Variants in NPHP4 observed in about 807,000 individuals in gnomAD.
The protein encoded by NPHP4 is nephrocystin-4.
In NPHP4, 151 loss-of-function variants were observed where a neutral mutation model predicts 155.8. The observed-to-expected ratio is 0.97, with a 90% confidence interval of 0.85 to 1.11. The LOEUF (loss-of-function observed/expected upper bound fraction) is 1.11, where lower values mean the gene tolerates loss of function less well. NPHP4 is among the 50% of genes least tolerant of loss of function. NPHP4 has a pLI of 0.00. For synonymous variants in NPHP4, 845 were observed against 816.8 expected (o/e 1.03, Z -0.59); for missense variants, 1,956 against 1,925.7 (o/e 1.02, Z -0.29).
chr1:5,925,217 C>T (rs531713233), intron 11 of NPHP4, among the ~76,000 whole-genome samples: 1 of 152,302 alleles, frequency 6.6e-6, no homozygotes, highest in Non-Finnish European at 1.5e-5. Context: ...TGTATCTGCA[C>T]TGAACACGTA....
At chr1:5,971,064 C>T (rs926398773) in intron 3 of NPHP4, among the ~76,000 whole-genome samples, 8 of 152,206 alleles carry the variant, frequency 5.3e-5, no homozygotes, top group African/African-American at 1.9e-4. Context: ...GAACACTACT[C>T]ACTTTTTCTA....
chr1:5,887,244 G>A (rs1395375534), intron 18 of NPHP4, 42 bp downstream of exon 18: 1 of 1,562,248 alleles, frequency 6.4e-7, no homozygotes, highest in South Asian at 1.2e-5. Context: ...CAGAGGGGTT[G>A]GGCGGCCGCT....
intron 11 of NPHP4, among the ~76,000 whole-genome samples, chr1:5,920,497 C>A (rs932574451): frequency 3.9e-5 from 6 of 152,120 alleles, no homozygotes; most frequent in African/African-American, 1.4e-4. Context: ...GTGGTCGCTT[C>A]CCTCAACGCT....
chr1:5,912,537 C>CAAAAAAAAAAAAA (rs752371714), intron 11 of NPHP4, among the ~76,000 whole-genome samples: 2 of 77,882 alleles, frequency 2.6e-5, no homozygotes, highest in African/African-American at 7.8e-5. Flanking sequence ...GACTCCGTCT[C>CAAAAAAAAAAAAA]AAAAAAAAAA....
intron 19 of NPHP4, chr1:5,879,323 T>C (rs979764764): frequency 5.9e-6 from 2 of 340,114 alleles, no homozygotes; most frequent in Non-Finnish European, 1.2e-5. Flanking sequence ...AAGTACTTTA[T>C]ACTCAGGTCT....
chr1:5,867,972 C>T lies in NPHP4; in HGVS notation c.3316-76G>A. On this transcript the variant is annotated intron_variant, in intron 23 of 29. Coordinates refer to ENST00000378156, the MANE Select transcript of NPHP4 (RefSeq NM_015102.5). This position sits in a 1 kb window ranked among gnomAD's most constrained non-coding sequence, Gnocchi z 4.1. ...GCTTCTTGTCCCTCCTTAGACAGCACACGTATCTCCACTGTTGCCAAGACC... is the reference window on the plus strand; with the variant it reads ...GCTTCTTGTCCCTCCTTAGACAGCATACGTATCTCCACTGTTGCCAAGACC... The T allele has an allele frequency of 2.7e-6, 4 of 1,475,330 alleles. No individual in the cohort carries two copies. The highest frequency in any genetic ancestry group is 3.8e-6 in the Non-Finnish European group (4 of 1,055,968). 91.4% of individuals were successfully genotyped at this position (1,475,330 alleles called of 1,614,324 possible).
intron 9 of NPHP4, among the ~76,000 whole-genome samples, chr1:5,934,391 A>T (rs1006660715): frequency 2.6e-5 from 4 of 152,162 alleles, no homozygotes; most frequent in Non-Finnish European, 4.4e-5. Flanking sequence ...GGAACAGCCC[A>T]GAGGAAGGAG....
intron 16 of NPHP4, among the ~76,000 whole-genome samples, chr1:5,897,746 G>A (rs1399527695): frequency 6.6e-6 from 1 of 152,044 alleles, no homozygotes; most frequent in African/African-American, 2.4e-5. Context: ...ATACACATGG[G>A]GGACAAATGG....
chr1:5,872,021 A>G (rs1642060128), intron 23 of NPHP4, among the ~76,000 whole-genome samples: 1 of 152,246 alleles, frequency 6.6e-6, no homozygotes, highest in Admixed American at 6.5e-5. Context: ...TTTTAAGGTG[A>G]AAAGAAATCT....
chr1:5,964,523 C>T (rs1017294139), intron 5 of NPHP4, among the ~76,000 whole-genome samples: 11 of 152,160 alleles, frequency 7.2e-5, no homozygotes, highest in Non-Finnish European at 1.3e-4. Context: ...GTGTTCTGTA[C>T]AAGCCATGCC....
chr1:5,964,916 AT>A (rs1199492139), intron 5 of NPHP4, among the ~76,000 whole-genome samples: 8 of 67,136 alleles, frequency 1.2e-4, no homozygotes, highest in East Asian at 3.3e-4. Flanking sequence ...ATACATATAT[AT>A]TATATATATA....
chr1:5,964,251 C>T (rs1278141561), intron 5 of NPHP4, among the ~76,000 whole-genome samples: 2 of 152,182 alleles, frequency 1.3e-5, no homozygotes, highest in African/African-American at 4.8e-5. Context: ...GGGTCTGTTA[C>T]CAGGGCAGCC....
intron 11 of NPHP4, among the ~76,000 whole-genome samples, chr1:5,916,972 T>C (rs1645505261): frequency 6.6e-6 from 1 of 152,168 alleles, no homozygotes; most frequent in South Asian, 2.1e-4. Context: ...AATGCAAGAA[T>C]AGCTGGGCAA....
intron 1 of NPHP4, among the ~76,000 whole-genome samples, chr1:5,989,700 AG>A (rs1655961181): frequency 6.6e-6 from 1 of 152,238 alleles, no homozygotes; most frequent in Admixed American, 6.5e-5. Context: ...GATTTCAGAG[AG>A]GAAGTCTCTC....
chr1:5,871,620 C>T (rs1032254353), intron 23 of NPHP4, among the ~76,000 whole-genome samples: 4 of 152,224 alleles, frequency 2.6e-5, no homozygotes, highest in Non-Finnish European at 5.9e-5. Context: ...CCAGGAGCCT[C>T]AGCTGGATGC....
chr1:5,964,941 A>ATATATATATATTTTTTTTTTTTTTT, intron 5 of NPHP4, among the ~76,000 whole-genome samples: 23 of 59,404 alleles, frequency 3.9e-4, no homozygotes, highest in African/African-American at 1.5e-3. Context: ...ATATATATAT[A>ATATATATATATTTTTTTTTTTTTTT]TTTTTTTTTT....
rs1233334694 is a variant in NPHP4, at chr1:5,867,080, C to G, written c.3508G>C (p.Val1170Leu). ...TTCGGGTCGCTGCAGCGAACATGGA[C>G]TGGGGGGTCCTCACCAAGCATTCCC... Reference protein sequence around the residue: ...PVGMLGEDPPVHVRCSDPNVI... With the variant: ...PVGMLGEDPPLHVRCSDPNVI... The change falls in exon 25 of 30, where the codon GTC (valine) becomes CTC (leucine). Residue 1170 changes from valine to leucine, a missense_variant. Val to Leu is a conservative substitution (Grantham distance 32, BLOSUM62 1). Transcript: ENST00000378156. The surrounding 1 kb of genome is among the most constrained non-coding windows in gnomAD (Gnocchi z 4.1). 2.5e-6 allele frequency: 4 copies of G among 1,613,078 alleles called. No individual in the cohort carries two copies. Among genetic ancestry groups the G allele is most frequent in the Non-Finnish European group, 3.4e-6 (4 of 1,179,576 alleles).
At chr1:5,928,131 C>A (rs1212883013) in intron 10 of NPHP4, among the ~76,000 whole-genome samples, 1 of 152,176 alleles carries the variant, frequency 6.6e-6, no homozygotes, top group African/African-American at 2.4e-5. Context: ...TTCACATAAC[C>A]AGCACCACAC....
At chr1:5,964,587 C>T (rs1279226512) in intron 5 of NPHP4, among the ~76,000 whole-genome samples, 1 of 152,132 alleles carries the variant, frequency 6.6e-6, no homozygotes, top group African/African-American at 2.4e-5. Context: ...ACCCTCCCGG[C>T]CTGTACCCAG....
Sources: gnomAD v4.1 joint callset for allele counts (sites outside exome capture counted in the v4.1 genomes callset) on GRCh38, gnomAD v4.1.1 for gene constraint, Gnocchi (gnomAD v3.1) non-coding constraint, MANE v1.5 for transcripts, NCBI Gene and HGNC (gene_info 2026-07-23, HGNC 2026-07-21) for gene names.